Variants in SCLT1 observed in about 807,000 individuals in gnomAD.
SCLT1 encodes sodium channel-associated protein 1.
A neutral mutation model predicts 112.8 loss-of-function variants in SCLT1; 78 were observed. That is an observed-to-expected ratio of 0.69 (90% CI 0.58 to 0.83). The LOEUF is 0.83. Among genes scored for constraint, SCLT1 ranks in the 40% least tolerant of loss-of-function variants. The pLI, the probability that SCLT1 is intolerant of heterozygous loss-of-function variation, is 0.00. For missense variants in SCLT1, 747 were observed against 770.4 expected (o/e 0.97, Z 0.36); for synonymous variants, 257 against 254.7 (o/e 1.01, Z -0.09).
rs138249135 is a variant in SCLT1, at chr4:128,942,463, C to G, written c.1632+533G>C. On this transcript the variant is annotated intron_variant, in intron 17 of 20. Coordinates refer to ENST00000281142, the MANE Select transcript of SCLT1 (RefSeq NM_144643.4). ...GAAAGTCCCTTAAAAAGAGGATCAC[C>G]TTCCTATTACCAAACCATATAAGCA... Among the ~76,000 whole-genome samples the G allele has an allele frequency of 1.6e-3, 236 of 152,062 alleles. 2 individuals are homozygous for G. The highest frequency in any genetic ancestry group is 0.013 in the East Asian group (69 of 5,162).
At chr4:129,082,164 A>G in intron 2 of SCLT1, 142 bp downstream of exon 2, 1 of 407,918 alleles carries the variant, frequency 2.5e-6, no homozygotes, top group Non-Finnish European at 4.4e-6. Flanking sequence ...GAAAAGGGCA[A>G]TTTCTATTGT....
intron 8 of SCLT1, among the ~76,000 whole-genome samples, chr4:128,996,840 A>T (rs1308169532): frequency 6.6e-6 from 1 of 151,986 alleles, no homozygotes; most frequent in Admixed American, 6.6e-5. Context: ...TTTTCCCATG[A>T]CTTTCTTTCA....
At chr4:128,954,124 T>C (rs1739016700) in intron 13 of SCLT1, among the ~76,000 whole-genome samples, 1 of 152,168 alleles carries the variant, frequency 6.6e-6, no homozygotes, top group East Asian at 1.9e-4. Flanking sequence ...CTGATGCCAA[T>C]AGTATATCAT....
chr4:128,920,878 G>A (rs1221108256), intron 18 of SCLT1, among the ~76,000 whole-genome samples: 2 of 152,150 alleles, frequency 1.3e-5, no homozygotes, highest in South Asian at 2.1e-4. Context: ...AACTATCTCT[G>A]TTTATGGATG....
intron 2 of SCLT1, among the ~76,000 whole-genome samples, chr4:129,050,017 G>C (rs993446999): frequency 1.3e-5 from 2 of 152,046 alleles, no homozygotes; most frequent in African/African-American, 4.8e-5. Context: ...GTGTTAGTTT[G>C]CTGAGGAGAA....
chr4:129,035,090 C>T lies in SCLT1; in HGVS notation c.290+3951G>A, dbSNP rs944619982. 2.0e-5 allele frequency among the ~76,000 whole-genome samples: 3 copies of T among 152,146 alleles called. No homozygotes were observed. The East Asian group carries it at 5.8e-4, about 29-fold the overall frequency. On this transcript the variant is annotated intron_variant, in intron 5 of 20. Transcript: ENST00000281142. ...CTCAACGGTTGTGAATGACTATTTT[C>T]TTACTTCACCTAATATTAAGTTGGA...
At chr4:129,079,258 T>C (rs1751724853) in intron 2 of SCLT1, among the ~76,000 whole-genome samples, 1 of 152,120 alleles carries the variant, frequency 6.6e-6, no homozygotes, top group Non-Finnish European at 1.5e-5. Flanking sequence ...CATTTCAGCA[T>C]TAACTCAAAA....
chr4:128,974,283 C>A (rs1387819818), intron 9 of SCLT1, among the ~76,000 whole-genome samples: 1 of 151,936 alleles, frequency 6.6e-6, no homozygotes, highest in East Asian at 1.9e-4. Context: ...AGCCAGTATA[C>A]GAACAGTGGG....
At chr4:128,977,853 C>T (rs950088743) in intron 9 of SCLT1, among the ~76,000 whole-genome samples, 1 of 152,034 alleles carries the variant, frequency 6.6e-6, no homozygotes, top group Non-Finnish European at 1.5e-5. Context: ...ACTGGAGGGT[C>T]TGAAGCAGGT....
intron 1 of SCLT1, among the ~76,000 whole-genome samples, chr4:129,088,084 C>T (rs1248743457): frequency 6.7e-6 from 1 of 150,342 alleles, no homozygotes; most frequent in Non-Finnish European, 1.5e-5. Flanking sequence ...AAGATCCCGT[C>T]CCAAAAAGAA....
intron 18 of SCLT1, among the ~76,000 whole-genome samples, chr4:128,905,108 T>C (rs1444998353): frequency 6.6e-6 from 1 of 152,170 alleles, no homozygotes. Context: ...AAAAAACTAA[T>C]AAGCATCTCA....
intron 2 of SCLT1, among the ~76,000 whole-genome samples, chr4:129,072,141 C>T (rs1751070209): frequency 6.6e-6 from 1 of 152,104 alleles, no homozygotes; most frequent in African/African-American, 2.4e-5. Flanking sequence ...AAGATAGTGC[C>T]CTAATCCCTT....
intron 5 of SCLT1, among the ~76,000 whole-genome samples, chr4:129,033,829 C>T (rs1217344417): frequency 1.3e-5 from 2 of 152,106 alleles, no homozygotes; most frequent in African/African-American, 2.4e-5. Flanking sequence ...TCTATACATA[C>T]ATAAATACCA....
At chr4:128,952,912 G>A in intron 13 of SCLT1, 72 bp from the exon 14 acceptor site, 1 of 780,566 alleles carries the variant, frequency 1.3e-6, no homozygotes, top group Non-Finnish European at 2.2e-6. Context: ...AAAACACTCA[G>A]GATAATAATT....
intron 4 of SCLT1, chr4:129,040,146 T>A: frequency 1.4e-6 from 1 of 702,528 alleles, no homozygotes; most frequent in South Asian, 1.5e-5. Context: ...GTCTAGGAGA[T>A]CAGAATAGCA....
chr4:129,012,739 T>C (rs1358059778), intron 5 of SCLT1, among the ~76,000 whole-genome samples: 1 of 152,152 alleles, frequency 6.6e-6, no homozygotes, highest in Non-Finnish European at 1.5e-5. Flanking sequence ...TAGTTAGATC[T>C]TCTTGTTGAA....
intron 2 of SCLT1, among the ~76,000 whole-genome samples, chr4:129,060,230 C>A (rs1213570327): frequency 2.0e-5 from 3 of 152,044 alleles, no homozygotes; most frequent in African/African-American, 4.8e-5. Context: ...ATTATGAATT[C>A]TTTGTCTGAT....
intron 5 of SCLT1, among the ~76,000 whole-genome samples, chr4:129,006,313 G>T (rs1243539654): frequency 3.3e-5 from 5 of 152,082 alleles, no homozygotes; most frequent in Non-Finnish European, 7.4e-5. Context: ...GCCGAAGTGG[G>T]TGGATCACGA....
At chr4:128,998,743 G>A (rs1743216119) in intron 7 of SCLT1, among the ~76,000 whole-genome samples, 1 of 148,964 alleles carries the variant, frequency 6.7e-6, no homozygotes, top group Non-Finnish European at 1.5e-5. Flanking sequence ...TTCAAGCCAG[G>A]GCATGTAAAG....
Sources: allele counts gnomAD v4.1 joint callset (sites outside exome capture counted in the v4.1 genomes callset), GRCh38; gene constraint gnomAD v4.1.1; transcripts MANE v1.5; gene names NCBI Gene and HGNC (gene_info 2026-07-23, HGNC 2026-07-21).